The following MDN1 variants were observed in gnomAD, a reference collection of about 807,000 sequenced individuals.
MDN1 encodes the protein midasin.
A neutral mutation model predicts 669.2 loss-of-function variants in MDN1; 266 were observed. The ratio of observed to expected loss-of-function variants is 0.40; its 90% CI spans 0.36 to 0.44. The LOEUF is 0.44. MDN1 is among the 20% of genes least tolerant of loss of function. The pLI is 1.00. For synonymous variants in MDN1, 2,385 were observed against 2,457.1 expected (o/e 0.97, Z 0.87); for missense variants, 5,940 against 6,754.0 (o/e 0.88, Z 4.22).
rs1402455413 is a variant in MDN1 at position 89,719,216 on chromosome 6, C to T, written c.5977G>A (p.Val1993Ile). The change falls in exon 41 of 102, where the codon GTA becomes ATA. Residue 1993 changes from valine (V) to isoleucine (I), a missense_variant. By Grantham distance (29) the Val-to-Ile change is conservative. Around this residue, in one of 5 missense-constraint regions of MDN1, gnomAD observed 2,292 missense variants for 2,638.3 expected, o/e 0.87. Coordinates refer to ENST00000369393, the MANE Select transcript of MDN1 (RefSeq NM_014611.3). Reference sequence around the variant, plus strand: ...TTTGAACCAAACACATCCTTGAATACAGCAATGACCTAAAGGAAGAAGATA... The same window carrying T: ...TTTGAACCAAACACATCCTTGAATATAGCAATGACCTAAAGGAAGAAGATA... ...TEEDKKKVIA[V>I]FKDVFGSNSN... The T allele has an allele frequency of 6.2e-7, 1 of 1,612,574 alleles. No homozygotes were observed. Among genetic ancestry groups the T allele is most frequent in the Non-Finnish European group, 8.5e-7 (1 of 1,178,752 alleles).
At chr6:89,755,164 C>T (rs1001383164) in intron 20 of MDN1, among the ~76,000 whole-genome samples, 1 of 152,006 alleles carries the variant, frequency 6.6e-6, no homozygotes, top group Non-Finnish European at 1.5e-5. Flanking sequence ...TTCTTGGCTA[C>T]CAAAAAGTAT....
chr6:89,752,264 G>A (rs1240344441), intron 22 of MDN1, among the ~76,000 whole-genome samples: 1 of 152,070 alleles, frequency 6.6e-6, no homozygotes, highest in African/African-American at 2.4e-5. Context: ...GGGGAGGGGA[G>A]GAAGGATCTT....
intron 23 of MDN1, 118 bp downstream of exon 23, chr6:89,751,313 G>T: frequency 7.8e-7 from 1 of 1,275,498 alleles, no homozygotes; most frequent in Non-Finnish European, 1.1e-6. Flanking sequence ...GTAAGTAATT[G>T]TTCAGTTGGC....
intron 14 of MDN1, 116 bp from the exon 15 acceptor site, chr6:89,771,737 C>A (rs1010229430): frequency 3.5e-6 from 3 of 857,856 alleles, no homozygotes; most frequent in African/African-American, 3.4e-5. Flanking sequence ...GAGACAGAGT[C>A]TTGTTCTGTC....
intron 15 of MDN1, among the ~76,000 whole-genome samples, chr6:89,764,412 G>A (rs371434060): frequency 6.6e-5 from 10 of 152,046 alleles, no homozygotes; most frequent in Admixed American, 2.0e-4. Context: ...CGACACCACC[G>A]TGGGCAACAT....
chr6:89,772,590 T>C lies in MDN1; in HGVS notation c.2066A>G (p.Tyr689Cys), dbSNP rs751459171. Residue 689 changes from tyrosine to cysteine, a missense_variant, in exon 14 of 102, where the codon TAC becomes TGC. Tyr to Cys is a radical substitution (Grantham distance 194). Around this residue, in one of 5 missense-constraint regions of MDN1, gnomAD observed 1,203 missense variants for 1,268.9 expected, o/e 0.95. Transcript: ENST00000369393. ...TGTGKTSTIQ[Y>C]LAHITGHRLR... ...GGGATTACCTGTAATGTGAGCCAAG[T>C]ATTGGATGGTAGAGGTTTTGCCAGT... 2 of 1,614,084 alleles carry C rather than the reference T, an allele frequency of 1.2e-6. No homozygotes were observed. Among genetic ancestry groups the C allele is most frequent in the Non-Finnish European group, 1.7e-6 (2 of 1,179,988 alleles).
intron 36 of MDN1, 46 bp from the exon 37 acceptor site, chr6:89,728,001 A>G: frequency 6.4e-7 from 1 of 1,563,092 alleles, no homozygotes; most frequent in Non-Finnish European, 8.7e-7. Context: ...TACTTTAAAA[A>G]TCAACTGGAT....
chr6:89,655,206 T>C (rs1809168734), intron 92 of MDN1, among the ~76,000 whole-genome samples: 1 of 152,126 alleles, frequency 6.6e-6, no homozygotes, highest in South Asian at 2.1e-4. Flanking sequence ...AATATAAGTT[T>C]ACATATTAGG....
In MDN1 at chr6:89,719,032, T is replaced by A; in HGVS notation, c.6058-2A>T. The A allele has an allele frequency of 6.2e-7, 1 of 1,613,966 alleles. No individual in the cohort carries two copies. The highest frequency in any genetic ancestry group is 8.5e-7 in the Non-Finnish European group (1 of 1,179,914). On this transcript the variant is annotated splice_acceptor_variant, in intron 41 of 101. Transcript: ENST00000369393. LOFTEE classifies it high-confidence loss of function. ...ACGGGAAAGGACTGAGTAGCCCAACTGAAAAGACATGCCAGTGAGATTTCC... is the reference window on the plus strand; with the variant it reads ...ACGGGAAAGGACTGAGTAGCCCAACAGAAAAGACATGCCAGTGAGATTTCC...
At chr6:89,688,448 C>T (rs1812165692) in intron 66 of MDN1, 125 bp downstream of exon 66, 1 of 819,750 alleles carries the variant, frequency 1.2e-6, no homozygotes, top group Non-Finnish European at 1.9e-6. Context: ...CATTGAACTG[C>T]AGTTCTTTAA....
intron 90 of MDN1, among the ~76,000 whole-genome samples, chr6:89,657,757 C>T (rs1469404833): frequency 2.6e-5 from 4 of 152,198 alleles, no homozygotes; most frequent in East Asian, 1.9e-4. Flanking sequence ...CACACAACAA[C>T]GTTTCAGTCA....
rs764377340 is a variant in MDN1 at position 89,793,857 on chromosome 6, A to G, written c.760T>C (p.Leu254=). Residue 254 remains leucine, a synonymous_variant, in exon 5 of 102, where the codon TTA becomes CTA. Coordinates refer to ENST00000369393, the MANE Select transcript of MDN1 (RefSeq NM_014611.3). ...LWRKQKELQY[L]QGHLVSSDLS... The stretch of plus-strand genomic sequence containing the variant: ...TCAGACGAAACAAGATGTCCCTGTA[A>G]GTACTGCAGCTCCTTCTGCTTACGC... The G allele has an allele frequency of 6.2e-7, 1 of 1,614,186 alleles. No individual in the cohort carries two copies. Among genetic ancestry groups the G allele is most frequent in the Non-Finnish European group, 8.5e-7 (1 of 1,180,012 alleles).
chr6:89,743,545 A>C, intron 30 of MDN1, 31 bp downstream of exon 30: 1 of 1,543,682 alleles, frequency 6.5e-7, no homozygotes, highest in Non-Finnish European at 8.9e-7. Context: ...CAGTTTTTTA[A>C]AATAACAGGA....
intron 47 of MDN1, 121 bp downstream of exon 47, chr6:89,713,027 G>C (rs1048765222): frequency 6.4e-6 from 7 of 1,095,038 alleles, no homozygotes; most frequent in Non-Finnish European, 7.8e-6. Context: ...ATCTCTATTA[G>C]AGCAAACTGC....
At chr6:89,709,976 C>T (rs1451389366) in intron 50 of MDN1, among the ~76,000 whole-genome samples, 2 of 152,178 alleles carry the variant, frequency 1.3e-5, no homozygotes, top group Non-Finnish European at 2.9e-5. Flanking sequence ...TCACAGCTCA[C>T]TGCAGCCTCA....
intron 84 of MDN1, among the ~76,000 whole-genome samples, chr6:89,665,341 CTA>C (rs1309943948): frequency 6.6e-6 from 1 of 152,006 alleles, no homozygotes; most frequent in Non-Finnish European, 1.5e-5. Context: ...TTATATGTTT[CTA>C]TATAATTGAT....
At chr6:89,711,984 G>A in intron 49 of MDN1, 52 bp downstream of exon 49, 1 of 1,442,456 alleles carries the variant, frequency 6.9e-7, no homozygotes, top group Non-Finnish European at 9.6e-7. Flanking sequence ...CACTTAAATA[G>A]CATAAGTGTA....
At chr6:89,783,224 C>A (rs1175175685) in intron 9 of MDN1, among the ~76,000 whole-genome samples, 5 of 152,150 alleles carry the variant, frequency 3.3e-5, no homozygotes, top group Non-Finnish European at 4.4e-5. Flanking sequence ...TTGCCAAATT[C>A]TTTTCCTAGC....
intron 15 of MDN1, among the ~76,000 whole-genome samples, chr6:89,767,394 A>G (rs1817851711): frequency 6.6e-6 from 1 of 152,216 alleles, no homozygotes; most frequent in African/African-American, 2.4e-5. Flanking sequence ...CTATAATGTA[A>G]ATAATTTGAT....
Sources: allele counts gnomAD v4.1 joint callset (sites outside exome capture counted in the v4.1 genomes callset), GRCh38; gene constraint gnomAD v4.1.1; regional missense constraint gnomAD v4.1.1; transcripts MANE v1.5; gene names NCBI Gene and HGNC (gene_info 2026-07-23, HGNC 2026-07-21).